The following DTD1 variants were observed in gnomAD, a reference collection of about 807,000 sequenced individuals.
The protein encoded by DTD1 is D-aminoacyl-tRNA deacylase 1.
In DTD1, 13 loss-of-function variants were observed where a neutral mutation model predicts 25.6. The ratio of observed to expected loss-of-function variants is 0.51; its 90% CI spans 0.33 to 0.81. The LOEUF (loss-of-function observed/expected upper bound fraction) is 0.81. Ranked by LOEUF, DTD1 falls within the 30% of genes least tolerant of loss-of-function variation. The pLI is 0.02. For missense variants in DTD1, 193 were observed against 266.4 expected, an observed-to-expected ratio of 0.72 and a Z score of 1.92; for synonymous variants, 110 against 103.6, an observed-to-expected ratio of 1.06 and a Z score of -0.37.
chr20:18,611,941 G>T (rs191665892), intron 3 of DTD1, among the ~76,000 whole-genome samples: 1 of 151,866 alleles, frequency 6.6e-6, no homozygotes, highest in African/African-American at 2.4e-5. Flanking sequence ...TGTAACCTCC[G>T]CCTCCCAGAT....
chr20:18,694,254 G>C (rs575185983), intron 4 of DTD1, among the ~76,000 whole-genome samples: 1 of 152,296 alleles, frequency 6.6e-6, no homozygotes, highest in East Asian at 1.9e-4. Flanking sequence ...GTACCGCAGT[G>C]CTCACGGCTC....
intron 4 of DTD1, among the ~76,000 whole-genome samples, chr20:18,649,326 C>CTTTTTTTTTTT (rs55766733): frequency 0.015 from 876 of 57,660 alleles, 209 homozygotes; most frequent in Non-Finnish European, 0.021. Flanking sequence ...ATTCATCTTT[C>CTTTTTTTTTTT]TTTTTTTTTT....
chr20:18,692,862 TTG>T (rs2061052684), intron 4 of DTD1, among the ~76,000 whole-genome samples: 1 of 152,096 alleles, frequency 6.6e-6, no homozygotes, highest in African/African-American at 2.4e-5. Context: ...TGTACATCAT[TTG>T]GACATTTTCT....
Position 18,596,102 on chromosome 20 carries a change from C to T in DTD1, c.231C>T (p.Val77=). ...VMDKQYEILC[V]SQFTLQCVLK... is the part of the protein sequence containing the mutation. ...ACAAACAGTACGAGATTCTGTGTGT[C>T]AGCCAGTTTACCCTCCAGTGTGTCC... Residue 77 remains valine (V), a synonymous_variant, in exon 3 of 6, where the codon GTC becomes GTT. Transcript: ENST00000377452. 1.2e-6 allele frequency: 2 copies of T among 1,614,158 alleles called. No individual in the cohort carries two copies. Among genetic ancestry groups the T allele is most frequent in the Non-Finnish European group, 1.7e-6 (2 of 1,180,028 alleles).
chr20:18,751,099 TGTTGAAAAG>T (rs1456907084), intron 5 of DTD1, among the ~76,000 whole-genome samples: 5 of 130,108 alleles, frequency 3.8e-5, no homozygotes, highest in Admixed American at 2.3e-4. Flanking sequence ...GTGTGTTTTC[TGTTGAAAAG>T]GTATTCAGTC....
chr20:18,611,612 G>A (rs914629974), intron 3 of DTD1, among the ~76,000 whole-genome samples: 2 of 152,084 alleles, frequency 1.3e-5, no homozygotes, highest in South Asian at 2.1e-4. Flanking sequence ...CCTTCTCTGT[G>A]TTCCTCACAT....
At chr20:18,619,672 G>GC (rs2060725046) in intron 3 of DTD1, among the ~76,000 whole-genome samples, 1 of 151,748 alleles carries the variant, frequency 6.6e-6, no homozygotes, top group South Asian at 2.1e-4. Flanking sequence ...CTATCTGCCC[G>GC]CCTCGGCCTC....
intron 3 of DTD1, among the ~76,000 whole-genome samples, chr20:18,624,904 G>A (rs896379647): frequency 2.0e-5 from 3 of 152,180 alleles, no homozygotes; most frequent in South Asian, 2.1e-4. Flanking sequence ...ATTTACCGTC[G>A]TAATGTTTGT....
intron 4 of DTD1, among the ~76,000 whole-genome samples, chr20:18,688,753 T>C (rs1600369770): frequency 6.6e-6 from 1 of 152,102 alleles, no homozygotes; most frequent in African/African-American, 2.4e-5. Context: ...ACAGAAATGA[T>C]AAGAGCCAAG....
intron 4 of DTD1, among the ~76,000 whole-genome samples, chr20:18,707,034 A>T (rs1194819745): frequency 6.6e-6 from 1 of 152,190 alleles, no homozygotes; most frequent in African/African-American, 2.4e-5. Context: ...TGTGGGGTGG[A>T]TGCCACTGCT....
chr20:18,750,894 G>A (rs1217892166), intron 5 of DTD1, among the ~76,000 whole-genome samples: 2 of 152,172 alleles, frequency 1.3e-5, no homozygotes, highest in African/African-American at 2.4e-5. Context: ...TGAGAGGAGT[G>A]TGCTCCTGAC....
chr20:18,640,061 T>C (rs914320178), intron 4 of DTD1, among the ~76,000 whole-genome samples: 1 of 152,096 alleles, frequency 6.6e-6, no homozygotes. Flanking sequence ...ATTTTTTTTT[T>C]TTTTTAAGTT....
At chr20:18,620,856 A>G (rs2060731179) in intron 3 of DTD1, among the ~76,000 whole-genome samples, 1 of 152,142 alleles carries the variant, frequency 6.6e-6, no homozygotes, top group African/African-American at 2.4e-5. Context: ...CAGCCTCCCA[A>G]ATACCTGGAA....
intron 4 of DTD1, among the ~76,000 whole-genome samples, chr20:18,659,443 C>T (rs1758982998): frequency 6.6e-6 from 1 of 152,178 alleles, no homozygotes. Flanking sequence ...TTTAATTTCT[C>T]TTTTGTCATA....
chr20:18,751,145 A>G (rs943645147), intron 5 of DTD1, among the ~76,000 whole-genome samples: 2 of 151,952 alleles, frequency 1.3e-5, no homozygotes, highest in Non-Finnish European at 2.9e-5. Flanking sequence ...TTCGCCATAC[A>G]AGGTAGGACT....
At chr20:18,594,546 C>T (rs1266879597) in intron 2 of DTD1, among the ~76,000 whole-genome samples, 1 of 152,182 alleles carries the variant, frequency 6.6e-6, no homozygotes, top group Non-Finnish European at 1.5e-5. Flanking sequence ...CACCTCCTCC[C>T]CTCCATTACC....
At chr20:18,730,697 T>G (rs1245542666) in intron 4 of DTD1, among the ~76,000 whole-genome samples, 3 of 152,272 alleles carry the variant, frequency 2.0e-5, no homozygotes, top group Non-Finnish European at 4.4e-5. Flanking sequence ...AGAATTAGTT[T>G]TGGCATTTGT....
At chr20:18,756,754 C>T (rs1244901059) in intron 5 of DTD1, among the ~76,000 whole-genome samples, 1 of 151,842 alleles carries the variant, frequency 6.6e-6, no homozygotes, top group African/African-American at 2.4e-5. Context: ...GCAATGCGGG[C>T]TCTTTTTTGG....
intron 3 of DTD1, among the ~76,000 whole-genome samples, chr20:18,596,824 C>T (rs1388956847): frequency 6.6e-6 from 1 of 151,144 alleles, no homozygotes; most frequent in Non-Finnish European, 1.5e-5. Context: ...TTCCATATAT[C>T]TCTGCCCCCG....
Sources: allele counts gnomAD v4.1 joint callset (sites outside exome capture counted in the v4.1 genomes callset), GRCh38; gene constraint gnomAD v4.1.1; transcripts MANE v1.5; gene names NCBI Gene and HGNC (gene_info 2026-07-23, HGNC 2026-07-21).